The following ITPR1 variants were observed in gnomAD, a reference collection of about 807,000 sequenced individuals.
ITPR1 encodes the protein inositol 1,4,5-trisphosphate-gated calcium channel ITPR1.
A neutral mutation model predicts 318.4 loss-of-function variants in ITPR1; 96 were observed. The observed-to-expected ratio is 0.30, with a 90% confidence interval of 0.26 to 0.36. The LOEUF (loss-of-function observed/expected upper bound fraction) is 0.36, where lower values mean the gene tolerates loss of function less well. ITPR1 is among the 10% of genes least tolerant of loss of function. ITPR1 has a pLI of 1.00. For missense variants in ITPR1, 2,440 were observed against 3,460.2 expected, an observed-to-expected ratio of 0.71 and a Z score of 7.40; for synonymous variants, 1,312 against 1,289.9, an observed-to-expected ratio of 1.02 and a Z score of -0.37.
chr3:4,594,027 G>A (rs947908980), intron 4 of ITPR1, among the ~76,000 whole-genome samples: 7 of 152,198 alleles, frequency 4.6e-5, no homozygotes, highest in African/African-American at 1.7e-4. Flanking sequence ...TATGGGAAAT[G>A]CGGGGCTTGA....
chr3:4,692,139 C>T (rs1313679633), intron 32 of ITPR1, among the ~76,000 whole-genome samples: 1 of 131,594 alleles, frequency 7.6e-6, no homozygotes, highest in Admixed American at 7.8e-5. Flanking sequence ...GAGACGTTGT[C>T]TCTTAGAAAA....
chr3:4,622,803 T>C (rs2092691234), intron 4 of ITPR1, among the ~76,000 whole-genome samples: 1 of 152,238 alleles, frequency 6.6e-6, no homozygotes, highest in African/African-American at 2.4e-5. Context: ...TCTGCAGTTG[T>C]TTCTGGAGCA....
chr3:4,788,615 C>T (rs1299688721), intron 52 of ITPR1, among the ~76,000 whole-genome samples: 2 of 152,140 alleles, frequency 1.3e-5, no homozygotes, highest in Non-Finnish European at 2.9e-5. Flanking sequence ...AATCATTTGC[C>T]ACATAAGGTG....
At position 4,826,179 on chromosome 3, in the gene ITPR1, G is replaced by A. The variant is rs946845655; in HGVS notation, c.8028+7937G>A. 7.9e-5 allele frequency among the ~76,000 whole-genome samples: 12 copies of A among 152,396 alleles called. No individual in the cohort carries two copies. Among genetic ancestry groups the A allele is most frequent in the East Asian group, 5.8e-4 (3 of 5,194 alleles). On this transcript the variant is annotated intron_variant, in intron 60 of 61. Transcript: ENST00000649015. This position sits in a 1 kb window ranked among gnomAD's most constrained non-coding sequence, Gnocchi z 4.2. ...CACCTTCTGCTTCGTGCAGATGCACGATGATGGGTTTGGGCTTTTATTCTG... is the reference window on the plus strand; with the variant it reads ...CACCTTCTGCTTCGTGCAGATGCACAATGATGGGTTTGGGCTTTTATTCTG...
chr3:4,761,688 T>G (rs973208380), intron 44 of ITPR1, among the ~76,000 whole-genome samples: 2 of 152,100 alleles, frequency 1.3e-5, no homozygotes, highest in African/African-American at 4.8e-5. Flanking sequence ...GAGTGATGAA[T>G]TGAAAGAGGT....
intron 26 of ITPR1, 45 bp from the exon 27 acceptor site, chr3:4,683,341 G>A (rs764920245): frequency 6.2e-7 from 1 of 1,606,984 alleles, no homozygotes; most frequent in East Asian, 2.2e-5. Flanking sequence ...GTGAGAGGAG[G>A]CATTTGTCAT....
chr3:4,787,842 C>A, intron 51 of ITPR1, 105 bp from the exon 52 acceptor site: 1 of 718,814 alleles, frequency 1.4e-6, no homozygotes, highest in Non-Finnish European at 2.3e-6. Context: ...AATCAGAGAT[C>A]ATATTATACT....
In ITPR1 at chr3:4,788,041, A is replaced by C. The variant is rs560829943; in HGVS notation, c.6710A>C (p.Tyr2237Ser). 9 of 1,612,868 alleles carry C rather than the reference A, an allele frequency of 5.6e-6. No homozygotes were observed. In the African/African-American group the frequency reaches 1.2e-4, roughly 21 times the overall value. Residue 2237 changes from tyrosine (Y) to serine (S), a missense_variant, in exon 52 of 62, where the codon TAT (tyrosine) becomes TCT (serine). Around this residue, in one of 23 missense-constraint regions of ITPR1, gnomAD observed 115 missense variants for 204.5 expected, o/e 0.56. Transcript: ENST00000649015. ...LTKESKLRIY[Y>S]TTERDEQGSK... ...AAGGAGTCAAAACTACGAATTTACTATACTACAGAGAGAGACGAACAAGGC... is the reference window on the plus strand; with the variant it reads ...AAGGAGTCAAAACTACGAATTTACTCTACTACAGAGAGAGACGAACAAGGC...
At chr3:4,599,380 C>A (rs1246300008) in intron 4 of ITPR1, among the ~76,000 whole-genome samples, 1 of 152,174 alleles carries the variant, frequency 6.6e-6, no homozygotes, top group Non-Finnish European at 1.5e-5. Flanking sequence ...TTTACCCTTA[C>A]AGTTTGGGAG....
In ITPR1 at chr3:4,826,697, C is replaced by T. The variant is rs1370515375; in HGVS notation, c.8028+8455C>T. ...TAGTCTAGGGAGGATGAAATCACCCCTTGTTCCGTGCAGCACTTCACTGGC... is the reference window on the plus strand; with the variant it reads ...TAGTCTAGGGAGGATGAAATCACCCTTTGTTCCGTGCAGCACTTCACTGGC... On this transcript the variant is annotated intron_variant, in intron 60 of 61. Coordinates refer to ENST00000649015, the MANE Select transcript of ITPR1 (RefSeq NM_001378452.1). The surrounding 1 kb of genome is among the most constrained non-coding windows in gnomAD (Gnocchi z 4.2). Among the ~76,000 whole-genome samples, 1 of 152,216 alleles carries T rather than the reference C, an allele frequency of 6.6e-6. No individual in the cohort carries two copies. Among genetic ancestry groups the T allele is most frequent in the Non-Finnish European group, 1.5e-5 (1 of 68,046 alleles).
At chr3:4,729,651 A>G (rs1485247161) in intron 42 of ITPR1, among the ~76,000 whole-genome samples, 1 of 152,164 alleles carries the variant, frequency 6.6e-6, no homozygotes, top group East Asian at 1.9e-4. Context: ...TATCAGTGGA[A>G]CTCATATTGG....
rs569329579 is a variant in ITPR1, at chr3:4,499,945, G to C, written c.-17+5439G>C. Reference sequence around the variant, plus strand: ...CTGCTCTGTAAACTTTGCTTAGGTGGGTGTGAGATGTTGGATGTCTACTCT... The same window carrying C: ...CTGCTCTGTAAACTTTGCTTAGGTGCGTGTGAGATGTTGGATGTCTACTCT... On this transcript the variant is annotated intron_variant, in intron 2 of 61. Coordinates refer to ENST00000649015, the MANE Select transcript of ITPR1 (RefSeq NM_001378452.1). 9.7e-4 allele frequency among the ~76,000 whole-genome samples: 147 copies of C among 152,210 alleles called. 1 individual carries two copies. Among genetic ancestry groups the C allele is most frequent in the South Asian group, 6.8e-3 (33 of 4,828 alleles).
At chr3:4,736,646 G>T (rs529182801) in intron 44 of ITPR1, among the ~76,000 whole-genome samples, 1 of 152,254 alleles carries the variant, frequency 6.6e-6, no homozygotes, top group African/African-American at 2.4e-5. Context: ...ACGTGGGCAC[G>T]AGTCGTACAC....
At position 4,846,277 on chromosome 3, in the gene ITPR1, G is replaced by C. The variant is rs1217110144; in HGVS notation, c.*52G>C. On this transcript the variant is annotated 3_prime_UTR_variant, in exon 62 of 62. Coordinates refer to ENST00000649015, the MANE Select transcript of ITPR1 (RefSeq NM_001378452.1). ...ACCTTTTATAATTATTATTAGTGTGGGTATGGCTAATGAGTTCTGATTCAC... is the reference window on the plus strand; with the variant it reads ...ACCTTTTATAATTATTATTAGTGTGCGTATGGCTAATGAGTTCTGATTCAC... The C allele has an allele frequency of 1.6e-6, 2 of 1,248,448 alleles. No individual in the cohort carries two copies. The highest frequency in any genetic ancestry group is 2.3e-6 in the Non-Finnish European group (2 of 876,078). The allele number at this position is 1,248,448 out of a possible 1,614,324, so 77.3% of individuals were successfully genotyped here.
intron 37 of ITPR1, among the ~76,000 whole-genome samples, chr3:4,709,104 C>T (rs1033557201): frequency 3.3e-5 from 5 of 152,174 alleles, no homozygotes; most frequent in African/African-American, 1.2e-4. Flanking sequence ...GGATCAATAA[C>T]TATTGAAGAG....
In ITPR1 at chr3:4,680,620, A is replaced by C; in HGVS notation, c.3035A>C (p.Asp1012Ala). The C allele has an allele frequency of 6.2e-7, 1 of 1,613,764 alleles. No homozygotes were observed. Among genetic ancestry groups the C allele is most frequent in the Non-Finnish European group, 8.5e-7 (1 of 1,179,676 alleles). Residue 1012 changes from aspartate to alanine, a missense_variant, in exon 25 of 62, where the codon GAT (aspartate) becomes GCT (alanine). Around this residue, in one of 23 missense-constraint regions of ITPR1, gnomAD observed 57 missense variants for 46.2 expected, o/e 1.23. Transcript: ENST00000649015. Reference protein sequence around the residue: ...CLLCIFKREFDESNSQTSETS... With the variant: ...CLLCIFKREFAESNSQTSETS... ...CTGTGTATATTTAAGCGAGAGTTTG[A>C]TGAAAGCAATTCCCAGACTTCAGAA...
chr3:4,711,511 C>G (rs952623789), intron 38 of ITPR1: 4 of 424,368 alleles, frequency 9.4e-6, no homozygotes, highest in Non-Finnish European at 1.7e-5. Flanking sequence ...TATAATCTCT[C>G]CATTGTATGT....
intron 61 of ITPR1, among the ~76,000 whole-genome samples, chr3:4,838,771 G>A (rs957039109): frequency 6.6e-6 from 1 of 152,180 alleles, no homozygotes; most frequent in East Asian, 1.9e-4. Context: ...CTCTTTGGGG[G>A]TATGTTTCAG....
Position 4,669,738 on chromosome 3 carries a change from GAACCCCACC to G in ITPR1, c.1975_1983del (p.Pro659_Asn661del). The G allele has an allele frequency of 6.2e-7, 1 of 1,613,172 alleles. No homozygotes were observed. On this transcript the variant is annotated inframe_deletion, in exon 19 of 62. Transcript: ENST00000649015. ...AGGAACTGATATGTAAAGCTGTGCT[GAACCCCACC>G]AACGCTGACATCCTGATTGAGACCA...
Sources: gnomAD v4.1 joint callset for allele counts (sites outside exome capture counted in the v4.1 genomes callset) on GRCh38, gnomAD v4.1.1 for gene constraint, gnomAD v4.1.1 regional missense constraint, Gnocchi (gnomAD v3.1) non-coding constraint, MANE v1.5 for transcripts, NCBI Gene and HGNC (gene_info 2026-07-23, HGNC 2026-07-21) for gene names.